The following NELL2 variants were observed in gnomAD, a reference collection of about 807,000 sequenced individuals.
The protein encoded by NELL2 is neural EGFL like 2.
In NELL2, 41 loss-of-function variants were observed where a neutral mutation model predicts 109.6. The ratio of observed to expected loss-of-function variants is 0.37; its 90% CI spans 0.29 to 0.49. The LOEUF (loss-of-function observed/expected upper bound fraction) is 0.49, where lower values mean the gene tolerates loss of function less well. Ranked by LOEUF, NELL2 falls within the 20% of genes least tolerant of loss-of-function variation. NELL2 has a pLI of 0.98. For synonymous variants in NELL2, 355 were observed against 344.7 expected (o/e 1.03, Z -0.33); for missense variants, 900 against 1,008.3 (o/e 0.89, Z 1.45).
chr12:44,746,465 A>T (rs551962551), intron 9 of NELL2, among the ~76,000 whole-genome samples: 5 of 152,346 alleles, frequency 3.3e-5, no homozygotes, highest in Admixed American at 3.3e-4. Context: ...AATTCAACTC[A>T]AGAGCTTCTG....
intron 2 of NELL2, among the ~76,000 whole-genome samples, chr12:44,831,094 T>C (rs1943873479): frequency 6.6e-6 from 1 of 151,966 alleles, no homozygotes; most frequent in East Asian, 1.9e-4. Flanking sequence ...TTGAAGTTTT[T>C]CCCACCATTG....
chr12:44,911,976 A>G (rs924009484), intron 1 of NELL2, among the ~76,000 whole-genome samples: 16 of 151,020 alleles, frequency 1.1e-4, no homozygotes, highest in African/African-American at 3.9e-4. Flanking sequence ...TAATAATAAT[A>G]AAATTTAAAA....
chr12:44,704,123 T>G (rs2136421625), intron 11 of NELL2, among the ~76,000 whole-genome samples: 2 of 152,244 alleles, frequency 1.3e-5, no homozygotes, highest in Middle Eastern at 6.8e-3. Context: ...AATATTCTAA[T>G]TATAACCCTC....
intron 9 of NELL2, among the ~76,000 whole-genome samples, chr12:44,718,026 T>C (rs1938579774): frequency 6.6e-6 from 1 of 152,212 alleles, no homozygotes. Flanking sequence ...CAGGATAGCT[T>C]GCTCAGAAGG....
In NELL2 at chr12:44,823,178, T is replaced by C. The variant is rs186714166; in HGVS notation, c.185-7042A>G. On this transcript the variant is annotated intron_variant, in intron 2 of 19. Coordinates refer to ENST00000429094, the MANE Select transcript of NELL2 (RefSeq NM_001145108.2). ...ATGTGTACAATGTGATGTTTTGACA[T>C]CTATATCTATGGTGAAATGATTACT... Among the ~76,000 whole-genome samples, 387 of 152,300 alleles carry C rather than the reference T, an allele frequency of 2.5e-3. 1 individual carries two copies. The highest frequency in any genetic ancestry group is 8.4e-3 in the African/African-American group (349 of 41,560).
chr12:44,773,144 T>A (rs1427291340), intron 9 of NELL2, among the ~76,000 whole-genome samples: 1 of 152,162 alleles, frequency 6.6e-6, no homozygotes, highest in African/African-American at 2.4e-5. Context: ...TATCCATGAA[T>A]AACAACATAA....
rs527884097 is a variant in NELL2 at position 44,598,912 on chromosome 12, C to T, written c.1663+8257G>A. On this transcript the variant is annotated intron_variant, in intron 15 of 19. Coordinates refer to ENST00000429094, the MANE Select transcript of NELL2 (RefSeq NM_001145108.2). ...TCTCTCTCTCTCTCTCTCTCTCTCACGCACTCACAGATAAAAAAAATCCAC... is the reference window on the plus strand; with the variant it reads ...TCTCTCTCTCTCTCTCTCTCTCTCATGCACTCACAGATAAAAAAAATCCAC... 2.0e-5 allele frequency among the ~76,000 whole-genome samples: 3 copies of T among 151,622 alleles called. No individual in the cohort carries two copies. The South Asian group carries it at 6.3e-4, about 32-fold the overall frequency.
At chr12:44,632,469 C>T (rs1310391173) in intron 13 of NELL2, among the ~76,000 whole-genome samples, 1 of 152,074 alleles carries the variant, frequency 6.6e-6, no homozygotes, top group Non-Finnish European at 1.5e-5. Flanking sequence ...ATTGAAAATT[C>T]CAATGCTTTA....
rs139956751 is a variant in NELL2 at position 44,703,860 on chromosome 12, G to GAA, written c.1190-8_1190-7dup. 4.7e-5 allele frequency: 74 copies of GAA among 1,561,148 alleles called. No individual in the cohort carries two copies. The African/African-American group carries it at 8.9e-4, about 19-fold the overall frequency. On this transcript the variant is annotated splice_region_variant and splice_polypyrimidine_tract_variant and intron_variant, in intron 11 of 19. Coordinates refer to ENST00000429094, the MANE Select transcript of NELL2 (RefSeq NM_001145108.2). ...TTCAGAACAAAAGTCATAACCTACA[G>GAA]AAAAAAAAAGAAATTTATTAAGGTA...
intron 9 of NELL2, among the ~76,000 whole-genome samples, chr12:44,740,883 T>C (rs569913358): frequency 1.3e-3 from 191 of 152,230 alleles, no homozygotes; most frequent in African/African-American, 4.5e-3. Flanking sequence ...ATAAAACTGA[T>C]CCATTACTGA....
chr12:44,753,618 T>C (rs150725659), intron 9 of NELL2, among the ~76,000 whole-genome samples: 333 of 152,326 alleles, frequency 2.2e-3, no homozygotes, highest in African/African-American at 7.6e-3. Flanking sequence ...CTATTTTTAA[T>C]ACTTTGTTTC....
At chr12:44,845,337 G>C (rs1212580861) in intron 2 of NELL2, among the ~76,000 whole-genome samples, 2 of 152,182 alleles carry the variant, frequency 1.3e-5, no homozygotes, top group African/African-American at 2.4e-5. Context: ...CACATGGAAG[G>C]GGACAGGAGT....
chr12:44,831,325 T>C (rs946243770), intron 2 of NELL2, among the ~76,000 whole-genome samples: 7 of 152,114 alleles, frequency 4.6e-5, no homozygotes, highest in Non-Finnish European at 1.0e-4. Flanking sequence ...AAGTGACCAT[T>C]CCTAGACTAA....
At chr12:44,707,628 G>A (rs1057201077) in intron 11 of NELL2, among the ~76,000 whole-genome samples, 2 of 152,138 alleles carry the variant, frequency 1.3e-5, no homozygotes, top group Non-Finnish European at 2.9e-5. Context: ...GTTTCCTAAA[G>A]TGTAACTCAT....
At chr12:44,683,556 T>G (rs982191319) in intron 12 of NELL2, among the ~76,000 whole-genome samples, 20 of 152,056 alleles carry the variant, frequency 1.3e-4, no homozygotes, top group African/African-American at 4.1e-4. Flanking sequence ...GGCTGTGGGT[T>G]TGTCATAGAT....
At chr12:44,654,313 T>G (rs1191889283) in intron 13 of NELL2, among the ~76,000 whole-genome samples, 4 of 152,192 alleles carry the variant, frequency 2.6e-5, no homozygotes, top group African/African-American at 7.2e-5. Flanking sequence ...ACACCATACA[T>G]TTTTACTACT....
chr12:44,654,628 T>G (rs909363739), intron 13 of NELL2, among the ~76,000 whole-genome samples: 1 of 152,102 alleles, frequency 6.6e-6, no homozygotes, highest in Non-Finnish European at 1.5e-5. Context: ...GAAACACTCT[T>G]CAAGCAGTCA....
chr12:44,691,194 G>C (rs547139627), intron 12 of NELL2, among the ~76,000 whole-genome samples: 1 of 152,236 alleles, frequency 6.6e-6, no homozygotes, highest in South Asian at 2.1e-4. Context: ...ACCCTACATT[G>C]ACCAAGTCTG....
At chr12:44,694,229 C>A (rs1173058536) in intron 12 of NELL2, among the ~76,000 whole-genome samples, 1 of 152,114 alleles carries the variant, frequency 6.6e-6, no homozygotes, top group Non-Finnish European at 1.5e-5. Flanking sequence ...AGGCCTCATA[C>A]AATCAATTGA....
Sources: gnomAD v4.1 joint callset for allele counts (sites outside exome capture counted in the v4.1 genomes callset) on GRCh38, gnomAD v4.1.1 for gene constraint, MANE v1.5 for transcripts, NCBI Gene and HGNC (gene_info 2026-07-23, HGNC 2026-07-21) for gene names.